The following PIK3CB variants were observed in gnomAD, a reference collection of about 807,000 sequenced individuals.
The protein encoded by PIK3CB is phosphatidylinositol 4,5-bisphosphate 3-kinase catalytic subunit beta isoform.
Under a neutral mutation model 136.8 loss-of-function variants are expected in PIK3CB, and 39 were observed. That is an observed-to-expected ratio of 0.29 (90% confidence interval 0.22 to 0.37). The LOEUF is 0.37. Ranked by LOEUF, PIK3CB falls within the 10% of genes least tolerant of loss-of-function variation. The pLI, the probability that PIK3CB is intolerant of heterozygous loss-of-function variation, is 1.00. For synonymous variants in PIK3CB, 428 were observed against 436.6 expected (o/e 0.98, Z 0.25); for missense variants, 868 against 1,275.4 (o/e 0.68, Z 4.87).
intron 10 of PIK3CB, among the ~76,000 whole-genome samples, chr3:138,708,593 CTTTT>C (rs11308775): frequency 1.4e-5 from 2 of 141,670 alleles, no homozygotes; most frequent in African/African-American, 2.6e-5. Flanking sequence ...GGAGGCAACT[CTTTT>C]TTTTTTTTTT....
intron 19 of PIK3CB, among the ~76,000 whole-genome samples, chr3:138,665,810 T>G (rs538814461): frequency 2.0e-4 from 30 of 152,306 alleles, no homozygotes; most frequent in Non-Finnish European, 4.4e-4. Flanking sequence ...GTTCAAGTGA[T>G]CCTCTCACCC....
At chr3:138,707,514 T>C in intron 10 of PIK3CB, 1 of 1,301,056 alleles carries the variant, frequency 7.7e-7, no homozygotes, top group Non-Finnish European at 9.7e-7. Flanking sequence ...TTAACAAAAC[T>C]GAATGACTAC....
At chr3:138,807,585 T>C (rs1338097860) in intron 1 of PIK3CB, among the ~76,000 whole-genome samples, 1 of 151,956 alleles carries the variant, frequency 6.6e-6, no homozygotes, top group Non-Finnish European at 1.5e-5. Context: ...GTTGTGCAGC[T>C]ATAAAAAGAA....
At chr3:138,685,982 C>T (rs1425046536) in intron 16 of PIK3CB, among the ~76,000 whole-genome samples, 2 of 151,756 alleles carry the variant, frequency 1.3e-5, no homozygotes, top group Non-Finnish European at 2.9e-5. Context: ...ACTAAAAATA[C>T]AAAAATTAGC....
intron 4 of PIK3CB, among the ~76,000 whole-genome samples, chr3:138,747,677 GATAC>G (rs1460483634): frequency 1.3e-5 from 2 of 152,104 alleles, no homozygotes; most frequent in African/African-American, 4.8e-5. Context: ...GGTAGTAAAT[GATAC>G]ATACATATCA....
chr3:138,659,962 A>T (rs2043263992), intron 21 of PIK3CB, among the ~76,000 whole-genome samples: 2 of 127,220 alleles, frequency 1.6e-5, no homozygotes, highest in South Asian at 5.0e-4. Flanking sequence ...TGCAAGCTCC[A>T]CCTCCCAGGT....
At chr3:138,812,929 GAA>G (rs1306305737) in intron 1 of PIK3CB, among the ~76,000 whole-genome samples, 18 of 152,116 alleles carry the variant, frequency 1.2e-4, no homozygotes, top group Non-Finnish European at 2.1e-4. Flanking sequence ...AATACACACT[GAA>G]ATAAGTGAAT....
chr3:138,709,762 C>G (rs992825245), intron 10 of PIK3CB, among the ~76,000 whole-genome samples: 5 of 152,094 alleles, frequency 3.3e-5, no homozygotes, highest in Non-Finnish European at 2.9e-5. Flanking sequence ...ACTAAAAATA[C>G]TAGTCAAGTT....
intron 2 of PIK3CB, among the ~76,000 whole-genome samples, chr3:138,776,524 A>G (rs2045860505): frequency 6.6e-6 from 1 of 151,992 alleles, no homozygotes; most frequent in Admixed American, 6.6e-5. Context: ...CCCTGCCTCT[A>G]CAAAAAAATA....
chr3:138,733,786 G>A (rs542636941), intron 7 of PIK3CB, among the ~76,000 whole-genome samples: 10 of 152,248 alleles, frequency 6.6e-5, no homozygotes, highest in African/African-American at 2.4e-4. Flanking sequence ...GCTGAGGCAG[G>A]AGAATGACAT....
At chr3:138,669,349 G>A (rs361092) in intron 19 of PIK3CB, among the ~76,000 whole-genome samples, 5 of 147,172 alleles carry the variant, frequency 3.4e-5, no homozygotes, top group African/African-American at 5.1e-5. Context: ...TTGAGGTTGC[G>A]GTGAACCATG....
chr3:138,695,931 ATTTTTTTTT>A (rs34470924), intron 13 of PIK3CB, among the ~76,000 whole-genome samples: 7 of 90,838 alleles, frequency 7.7e-5, no homozygotes, highest in Non-Finnish European at 1.4e-4. Flanking sequence ...AATTTTTTGT[ATTTTTTTTT>A]TTTTTTTTTT....
intron 1 of PIK3CB, chr3:138,825,765 C>G (rs561684402): frequency 5.3e-6 from 4 of 759,082 alleles, no homozygotes; most frequent in Non-Finnish European, 6.9e-6. Context: ...TTCTCAAACC[C>G]GGAATGGTGG....
intron 4 of PIK3CB, among the ~76,000 whole-genome samples, chr3:138,744,945 G>A (rs2045323298): frequency 6.6e-6 from 1 of 152,148 alleles, no homozygotes. Context: ...CACCACTGCT[G>A]CCTTTTATGC....
At chr3:138,813,944 G>A (rs1165837901) in intron 1 of PIK3CB, among the ~76,000 whole-genome samples, 2 of 152,102 alleles carry the variant, frequency 1.3e-5, no homozygotes, top group Non-Finnish European at 2.9e-5. Flanking sequence ...AATACACCTG[G>A]GCTGAAAAAG....
chr3:138,765,137 T>C (rs1038179610), intron 2 of PIK3CB, among the ~76,000 whole-genome samples: 1 of 152,154 alleles, frequency 6.6e-6, no homozygotes, highest in South Asian at 2.1e-4. Context: ...CTGGCCAACA[T>C]GGCGAAACCC....
chr3:138,831,203 C>T (rs1934019544), intron 1 of PIK3CB, among the ~76,000 whole-genome samples: 1 of 149,242 alleles, frequency 6.7e-6, no homozygotes, highest in Non-Finnish European at 1.5e-5. Flanking sequence ...AGGAGAACGG[C>T]GTGAACCCAG....
intron 5 of PIK3CB, among the ~76,000 whole-genome samples, chr3:138,739,535 G>A (rs1043273753): frequency 6.7e-6 from 1 of 148,998 alleles, no homozygotes; most frequent in African/African-American, 2.5e-5. Flanking sequence ...AAGAAGACAG[G>A]TACGTATGGA....
chr3:138,784,397 GCTCTCCCTCTCCCTCCCC>G (rs1559877066), intron 2 of PIK3CB, among the ~76,000 whole-genome samples: 1 of 151,770 alleles, frequency 6.6e-6, no homozygotes, highest in African/African-American at 2.4e-5. Flanking sequence ...ACAAAAAAAG[GCTCTCCCTCTCCCTCCCC>G]CTCCCCCTCT....
Sources: gnomAD v4.1 joint callset for allele counts (sites outside exome capture counted in the v4.1 genomes callset) on GRCh38, gnomAD v4.1.1 for gene constraint, MANE v1.5 for transcripts, NCBI Gene and HGNC (gene_info 2026-07-23, HGNC 2026-07-21) for gene names.